Variants in SND1 observed in about 807,000 individuals in gnomAD.
The protein encoded by SND1 is staphylococcal nuclease and tudor domain containing 1, also known as staphylococcal nuclease domain-containing protein 1.
A neutral mutation model predicts 121.7 loss-of-function variants in SND1; 38 were observed. The ratio of observed to expected loss-of-function variants is 0.31; its 90% CI spans 0.24 to 0.41. The LOEUF (loss-of-function observed/expected upper bound fraction) is 0.41, where lower values mean the gene tolerates loss of function less well. Ranked by LOEUF, SND1 falls within the 10% of genes least tolerant of loss-of-function variation. The pLI is 1.00. For synonymous variants in SND1, 401 were observed against 447.4 expected, an observed-to-expected ratio of 0.90 and a Z score of 1.31; for missense variants, 868 against 1,184.6, an observed-to-expected ratio of 0.73 and a Z score of 3.92.
chr7:127,953,758 T>G (rs562411844), intron 15 of SND1, among the ~76,000 whole-genome samples: 1 of 152,272 alleles, frequency 6.6e-6, no homozygotes, highest in Non-Finnish European at 1.5e-5. Context: ...GGAAAACAAG[T>G]CTTGTTAATT....
At chr7:128,068,612 A>G (rs531208168) in intron 16 of SND1, among the ~76,000 whole-genome samples, 1 of 152,336 alleles carries the variant, frequency 6.6e-6, no homozygotes, top group African/African-American at 2.4e-5. Context: ...CTGCTCAGAA[A>G]GGGGCCGCAG....
At chr7:127,759,546 A>C (rs1332700147) in intron 10 of SND1, among the ~76,000 whole-genome samples, 1 of 152,108 alleles carries the variant, frequency 6.6e-6, no homozygotes, top group Non-Finnish European at 1.5e-5. Flanking sequence ...TTTGCCAAGG[A>C]ATCTTGTTCC....
intron 11 of SND1, among the ~76,000 whole-genome samples, chr7:127,821,374 T>C (rs35307919): frequency 0.065 from 9,905 of 152,254 alleles, 420 homozygotes; most frequent in Middle Eastern, 0.19. Context: ...CTTCAGAGTA[T>C]GTTGTTTTCC....
chr7:127,852,911 G>C (rs948464936), intron 12 of SND1, among the ~76,000 whole-genome samples: 4 of 151,962 alleles, frequency 2.6e-5, no homozygotes, highest in South Asian at 2.1e-4. Flanking sequence ...CCTTTTCTTT[G>C]ATAAATCCTT....
At chr7:127,955,076 C>CT (rs776548594) in intron 15 of SND1, among the ~76,000 whole-genome samples, 15 of 152,350 alleles carry the variant, frequency 9.8e-5, no homozygotes, top group Non-Finnish European at 1.8e-4. Flanking sequence ...TCTGGCATCT[C>CT]TGTAAAGTCT....
chr7:127,910,287 C>CA (rs1334894638), intron 14 of SND1, among the ~76,000 whole-genome samples: 1 of 151,606 alleles, frequency 6.6e-6, no homozygotes. Context: ...TAAAAAATAC[C>CA]AAAAAAATTA....
rs143205589 is a variant in SND1, at chr7:127,672,825, A to T, written c.79-13788A>T. ...GTTACTTTATAGAATGTGCCTTGTC[A>T]TGAGTTTGTCTGTTGCTTCCTTATG... On this transcript the variant is annotated intron_variant, in intron 1 of 23. Coordinates refer to ENST00000354725, the MANE Select transcript of SND1 (RefSeq NM_014390.4). Among the ~76,000 whole-genome samples, 725 of 152,044 alleles carry T rather than the reference A, an allele frequency of 4.8e-3. 6 individuals are homozygous for T. Among genetic ancestry groups the T allele is most frequent in the African/African-American group, 0.017 (691 of 41,442 alleles).
chr7:127,766,771 CAAAAAA>C lies in SND1; in HGVS notation c.1153-40688_1153-40683del, dbSNP rs59243807. Among the ~76,000 whole-genome samples, 35 of 33,214 alleles carry C rather than the reference CAAAAAA, an allele frequency of 1.1e-3. No individual in the cohort carries two copies. In the South Asian group the frequency reaches 0.04, roughly 38 times the overall value. 21.8% of individuals were successfully genotyped at this position (33,214 alleles called of 152,430 possible). The stretch of plus-strand genomic sequence containing the variant: ...TGGGTGACAAAGCGAGACTTTGTCT[CAAAAAA>C]AAAAAAAAAAAAAAAAAAAAAAAAT... On this transcript the variant is annotated intron_variant, in intron 10 of 23. Transcript: ENST00000354725.
chr7:127,973,726 C>T (rs566190197), intron 15 of SND1, among the ~76,000 whole-genome samples: 1 of 152,366 alleles, frequency 6.6e-6, no homozygotes, highest in East Asian at 1.9e-4. Context: ...CTATCTTCCA[C>T]AATGACCTGT....
chr7:127,887,865 A>C, intron 12 of SND1, 37 bp from the exon 13 acceptor site: 1 of 1,399,742 alleles, frequency 7.1e-7, no homozygotes, highest in Non-Finnish European at 1.0e-6. Context: ...CCCCATATGC[A>C]CTTCTAGTGC....
At chr7:127,805,508 C>T (rs1401902880) in intron 10 of SND1, among the ~76,000 whole-genome samples, 1 of 152,200 alleles carries the variant, frequency 6.6e-6, no homozygotes, top group African/African-American at 2.4e-5. Flanking sequence ...ATTTCCTTGA[C>T]ACTGAAAGTG....
At chr7:127,683,986 G>A (rs993889232) in intron 1 of SND1, among the ~76,000 whole-genome samples, 1 of 152,208 alleles carries the variant, frequency 6.6e-6, no homozygotes, top group Non-Finnish European at 1.5e-5. Flanking sequence ...CAAGTTGTTT[G>A]CCAAAGCCAT....
At chr7:127,671,278 A>T (rs59806488) in intron 1 of SND1, among the ~76,000 whole-genome samples, 2,602 of 152,300 alleles carry the variant, frequency 0.017, 94 homozygotes, top group African/African-American at 0.059. Flanking sequence ...AATAATAGAG[A>T]TAACTCCTGT....
chr7:127,898,213 C>T (rs1001050132), intron 13 of SND1, among the ~76,000 whole-genome samples: 3 of 152,080 alleles, frequency 2.0e-5, no homozygotes, highest in African/African-American at 7.2e-5. Context: ...TAGCTTTAGA[C>T]GAGATGATGA....
intron 10 of SND1, among the ~76,000 whole-genome samples, chr7:127,746,260 TA>T (rs1238574641): frequency 1.3e-5 from 2 of 152,234 alleles, no homozygotes; most frequent in African/African-American, 2.4e-5. Flanking sequence ...GAAGTTCTTT[TA>T]AAAAATAGAT....
intron 14 of SND1, among the ~76,000 whole-genome samples, chr7:127,907,148 T>A (rs1006862924): frequency 6.6e-6 from 1 of 152,208 alleles, no homozygotes; most frequent in African/African-American, 2.4e-5. Context: ...GATATGACCT[T>A]GTCTGCCTGA....
At chr7:127,784,740 T>C (rs1797781650) in intron 10 of SND1, among the ~76,000 whole-genome samples, 1 of 152,164 alleles carries the variant, frequency 6.6e-6, no homozygotes, top group African/African-American at 2.4e-5. Flanking sequence ...AGGCTGGAAT[T>C]GGGAGAATGT....
chr7:128,056,995 G>C (rs191013712), intron 16 of SND1, among the ~76,000 whole-genome samples: 1 of 152,114 alleles, frequency 6.6e-6, no homozygotes, highest in Non-Finnish European at 1.5e-5. Flanking sequence ...AGTTACAGGC[G>C]GGTAGCATCT....
Position 128,029,380 on chromosome 7 carries a change from C to T in SND1, c.1779+38324C>T. ...ACATTGGTCACCATGCATGTGTACACCCCAGTGTCTGAAAGCAGCACGTGG... is the reference window on the plus strand; with the variant it reads ...ACATTGGTCACCATGCATGTGTACATCCCAGTGTCTGAAAGCAGCACGTGG... On this transcript the variant is annotated intron_variant, in intron 16 of 23. Coordinates refer to ENST00000354725, the MANE Select transcript of SND1 (RefSeq NM_014390.4). The surrounding 1 kb of genome is among the most constrained non-coding windows in gnomAD (Gnocchi z 4.2). 1 of 1,614,188 alleles carries T rather than the reference C, an allele frequency of 6.2e-7. No homozygotes were observed. The highest frequency in any genetic ancestry group is 8.5e-7 in the Non-Finnish European group (1 of 1,180,046).
Sources: gnomAD v4.1 joint callset for allele counts (sites outside exome capture counted in the v4.1 genomes callset) on GRCh38, gnomAD v4.1.1 for gene constraint, Gnocchi (gnomAD v3.1) non-coding constraint, MANE v1.5 for transcripts, NCBI Gene and HGNC (gene_info 2026-07-23, HGNC 2026-07-21) for gene names.